MGP: variants seen among roughly 807,000 people sequenced by gnomAD.
MGP encodes matrix Gla protein.
A neutral mutation model predicts 14.5 loss-of-function variants in MGP; 13 were observed. The ratio of observed to expected loss-of-function variants is 0.89; its 90% CI spans 0.58 to 1.42. The LOEUF (loss-of-function observed/expected upper bound fraction) is 1.42, where lower values mean the gene tolerates loss of function less well. MGP is among the 40% of genes most tolerant of loss of function. The pLI, the probability that MGP is intolerant of heterozygous loss-of-function variation, is 0.00. For synonymous variants in MGP, 44 were observed against 46.3 expected (o/e 0.95, Z 0.20); for missense variants, 128 against 133.7 (o/e 0.96, Z 0.21).
At chr12:14,883,494 C>T (rs993658837) in intron 2 of MGP, 7 of 205,292 alleles carry the variant, frequency 3.4e-5, no homozygotes, top group African/African-American at 7.0e-5. Context: ...TTTATAAATC[C>T]AGCTATTCAA....
chr12:14,883,169 G>A, intron 2 of MGP, 122 bp from the exon 3 acceptor site: 1 of 772,340 alleles, frequency 1.3e-6, no homozygotes, highest in Non-Finnish European at 2.3e-6. Flanking sequence ...TATAAACGGA[G>A]ATTGGCAAAA....
At chr12:14,885,405 T>C (rs904561360) in intron 1 of MGP, among the ~76,000 whole-genome samples, 3 of 152,168 alleles carry the variant, frequency 2.0e-5, no homozygotes, top group Non-Finnish European at 2.9e-5. Context: ...GATACCAAAG[T>C]CTAAATAAAT....
chr12:14,882,130 C>G lies in MGP; in HGVS notation c.*9G>C, dbSNP rs376197148. 1 of 1,613,826 alleles carries G rather than the reference C, an allele frequency of 6.2e-7. No individual in the cohort carries two copies. ...CAGAAAAAAAGAGATTTTTTTTCTTCCCTCAGTCTCATTTGGTCCCTCGGC... is the reference window on the plus strand; with the variant it reads ...CAGAAAAAAAGAGATTTTTTTTCTTGCCTCAGTCTCATTTGGTCCCTCGGC... On this transcript the variant is annotated 3_prime_UTR_variant, in exon 4 of 4. Coordinates refer to ENST00000539261, the MANE Select transcript of MGP (RefSeq NM_000900.5).
At chr12:14,885,177 A>G (rs2120445722) in intron 1 of MGP, among the ~76,000 whole-genome samples, 1 of 152,378 alleles carries the variant, frequency 6.6e-6, no homozygotes, top group East Asian at 1.9e-4. Context: ...AATGACATAT[A>G]GAAAACAGGC....
In MGP at chr12:14,882,140, C is replaced by G. The variant is rs1863382225; in HGVS notation, c.311G>C (p.Ter104SerextTer2). 1 of 1,613,924 alleles carries G rather than the reference C, an allele frequency of 6.2e-7. No homozygotes were observed. Among genetic ancestry groups the G allele is most frequent in the Non-Finnish European group, 8.5e-7 (1 of 1,179,964 alleles). Residue 104 changes from the stop codon to serine, a stop_lost, in exon 4 of 4, where the codon TGA (stop) becomes TCA (serine). Transcript: ENST00000539261. ...RYFRKRRGTK[*>S] ...GAGATTTTTTTTCTTCCCTCAGTCT[C>G]ATTTGGTCCCTCGGCGCTTCCTGAA... is the stretch of plus-strand genomic sequence containing the variant.
Position 14,882,989 on chromosome 12 carries a change from T to G in MGP, c.153A>C (p.Arg51Ser), listed in dbSNP as rs1189704239. The change falls in exon 3 of 4, where the codon AGA (arginine) becomes AGC (serine). Residue 51 changes from arginine to serine, a missense_variant. By Grantham distance (110) the Arg-to-Ser change is moderately radical. Coordinates refer to ENST00000539261, the MANE Select transcript of MGP (RefSeq NM_000900.5). ...TTACTGACCTCTCTTGGACTTTAGC[T>G]CTCCATCTCTGCTGAGGGGATATGA... ...NTFISPQQRWRAKVQERIRER... is the reference protein window; with the variant it reads ...NTFISPQQRWSAKVQERIRER... 4 of 1,612,204 alleles carry G rather than the reference T, an allele frequency of 2.5e-6. No homozygotes were observed. The Admixed American group carries it at 6.7e-5, about 27-fold the overall frequency.
rs1863369017 is a variant in MGP, at chr12:14,881,304, G to A, written c.*835C>T. 1 of 151,814 alleles carries A rather than the reference G, an allele frequency of 6.6e-6. No individual in the cohort carries two copies. The highest frequency in any genetic ancestry group is 1.5e-5 in the Non-Finnish European group (1 of 67,970). The allele number at this position is 151,814 out of a possible 1,614,324, so 9.4% of individuals were successfully genotyped here. On this transcript the variant is annotated 3_prime_UTR_variant, in exon 4 of 4. Coordinates refer to ENST00000539261, the MANE Select transcript of MGP (RefSeq NM_000900.5). ...AGGTGTGGCCACTGTGCCTGGCCCG[G>A]GATATTTTCTTATTATCTAAACTTT...
chr12:14,881,505 A>G lies in MGP; in HGVS notation c.*634T>C, dbSNP rs1432718469. ...GTTAAGTGTATAAACTATTATTGAC[A>G]GTTTTTGCCAATTGCTTTTATTTGT... On this transcript the variant is annotated 3_prime_UTR_variant, in exon 4 of 4. Transcript: ENST00000539261. 1 of 153,510 alleles carries G rather than the reference A, an allele frequency of 6.5e-6. No homozygotes were observed. Among genetic ancestry groups the G allele is most frequent in the Non-Finnish European group, 1.5e-5 (1 of 68,960 alleles). The allele number at this position is 153,510 out of a possible 1,614,324, so 9.5% of individuals were successfully genotyped here. A position where few individuals can be genotyped will look rare whatever the true frequency, so the allele number is the denominator to read the frequency against.
rs1282365715 is a variant in MGP, at chr12:14,882,143, T to G, written c.308A>C (p.Lys103Thr). ...ATTTTTTTTCTTCCCTCAGTCTCAT[T>G]TGGTCCCTCGGCGCTTCCTGAAGTA... ...NRYFRKRRGT[K>T] The change falls in exon 4 of 4, where the codon AAA becomes ACA. Residue 103 changes from lysine (K) to threonine (T), a missense_variant. Lys to Thr is a moderately conservative substitution (Grantham distance 78). Coordinates refer to ENST00000539261, the MANE Select transcript of MGP (RefSeq NM_000900.5). The G allele has an allele frequency of 8.7e-6, 14 of 1,613,916 alleles. No individual in the cohort carries two copies. The highest frequency in any genetic ancestry group is 1.7e-5 in the Admixed American group (1 of 59,990).
chr12:14,881,327 T>C lies in MGP; in HGVS notation c.*812A>G, dbSNP rs1417052944. 1 of 152,106 alleles carries C rather than the reference T, an allele frequency of 6.6e-6. No individual in the cohort carries two copies. Among genetic ancestry groups the C allele is most frequent in the Non-Finnish European group, 1.5e-5 (1 of 68,026 alleles). 9.4% of individuals were successfully genotyped at this position (152,106 alleles called of 1,614,324 possible). A position where few individuals can be genotyped will look rare whatever the true frequency, so the allele number is the denominator to read the frequency against. On this transcript the variant is annotated 3_prime_UTR_variant, in exon 4 of 4. Coordinates refer to ENST00000539261, the MANE Select transcript of MGP (RefSeq NM_000900.5). ...CGGGATATTTTCTTATTATCTAAAC[T>C]TTAAAAGAAATTATTAAAATTATTT...
rs41394145 is a variant in MGP at position 14,885,819 on chromosome 12, G to A, written c.-28C>T. 4 of 1,607,330 alleles carry A rather than the reference G, an allele frequency of 2.5e-6. No homozygotes were observed. Among genetic ancestry groups the A allele is most frequent in the Non-Finnish European group, 3.4e-6 (4 of 1,174,016 alleles). ...TTTCGTCCTGCAGGTCAGTCTCAGG[G>A]TCTTGTGTAGCAGCAGTAGGGAGAG... On this transcript the variant is annotated 5_prime_UTR_variant, in exon 1 of 4. Transcript: ENST00000539261.
At chr12:14,882,400 T>G in intron 3 of MGP, 120 bp from the exon 4 acceptor site, 5 of 1,290,612 alleles carry the variant, frequency 3.9e-6, no homozygotes, top group Non-Finnish European at 4.5e-6. Context: ...TTAAGAGATA[T>G]TTAAAGAACA....
rs767749754 is a variant in MGP at position 14,882,081 on chromosome 12, GA to G, written c.*57del. ...TATTTCTGTAATGCTGCTACAGGGG[GA>G]TACAAAATCAGGTGCCAGCCTCCAG... On this transcript the variant is annotated 3_prime_UTR_variant, in exon 4 of 4. Coordinates refer to ENST00000539261, the MANE Select transcript of MGP (RefSeq NM_000900.5). 3 of 1,587,776 alleles carry G rather than the reference GA, an allele frequency of 1.9e-6. No individual in the cohort carries two copies. In the Admixed American group the frequency reaches 5.0e-5, roughly 26 times the overall value.
chr12:14,882,632 G>A (rs887196458), intron 3 of MGP, among the ~76,000 whole-genome samples: 10 of 151,330 alleles, frequency 6.6e-5, no homozygotes, highest in Non-Finnish European at 1.3e-4. Flanking sequence ...AATCCAGTCT[G>A]GGCAACAGAG....
chr12:14,883,277 T>G, intron 2 of MGP: 1 of 493,464 alleles, frequency 2.0e-6, no homozygotes, highest in Non-Finnish European at 3.7e-6. Context: ...TAGGCTTTGT[T>G]GGTTTTGAGT....
intron 1 of MGP, chr12:14,884,840 G>T: frequency 6.5e-7 from 1 of 1,535,000 alleles, no homozygotes; most frequent in African/African-American, 1.4e-5. Flanking sequence ...TTCAGAGAGA[G>T]AACTGAAACG....
rs1863368622 is a variant in MGP at position 14,881,275 on chromosome 12, T to C, written c.*864A>G. 1 of 152,212 alleles carries C rather than the reference T, an allele frequency of 6.6e-6. No homozygotes were observed. Among genetic ancestry groups the C allele is most frequent in the South Asian group, 2.1e-4 (1 of 4,830 alleles). The allele number at this position is 152,212 out of a possible 1,614,324, so 9.4% of individuals were successfully genotyped here. A position where few individuals can be genotyped will look rare whatever the true frequency, so the allele number is the denominator to read the frequency against. On this transcript the variant is annotated 3_prime_UTR_variant, in exon 4 of 4. Transcript: ENST00000539261. ...ATTGGTATGGTCATGGCTACTGAGA[T>C]TACAGGTGTGGCCACTGTGCCTGGC...
chr12:14,882,101 C>T lies in MGP; in HGVS notation c.*38G>A. On this transcript the variant is annotated 3_prime_UTR_variant, in exon 4 of 4. Coordinates refer to ENST00000539261, the MANE Select transcript of MGP (RefSeq NM_000900.5). ...AGGGGGATACAAAATCAGGTGCCAG[C>T]CTCCAGAAAAAAAGAGATTTTTTTT... The T allele has an allele frequency of 1.2e-6, 2 of 1,612,964 alleles. No individual in the cohort carries two copies. Among genetic ancestry groups the T allele is most frequent in the Non-Finnish European group, 1.7e-6 (2 of 1,179,116 alleles).
Position 14,885,845 on chromosome 12 carries a change from A to T in MGP, c.-54T>A. ...TCTTGTGTAGCAGCAGTAGGGAGAG[A>T]GGCTCCTACGGGATGTTAGTGGAAG... On this transcript the variant is annotated 5_prime_UTR_variant, in exon 1 of 4. Transcript: ENST00000539261. The T allele has an allele frequency of 2.0e-6, 3 of 1,497,688 alleles. No homozygotes were observed. Among genetic ancestry groups the T allele is most frequent in the Non-Finnish European group, 1.9e-6 (2 of 1,074,966 alleles). 92.8% of individuals were successfully genotyped at this position (1,497,688 alleles called of 1,614,324 possible). A position where few individuals can be genotyped will look rare whatever the true frequency, so the allele number is the denominator to read the frequency against.
Sources: allele counts gnomAD v4.1 joint callset (sites outside exome capture counted in the v4.1 genomes callset), GRCh38; gene constraint gnomAD v4.1.1; transcripts MANE v1.5; gene names NCBI Gene and HGNC (gene_info 2026-07-23, HGNC 2026-07-21).